Variants in PSD3 observed in about 807,000 individuals in gnomAD.
PSD3 encodes the protein pleckstrin and Sec7 domain containing 3, also known as PH and SEC7 domain-containing protein 3.
Under a neutral mutation model 105.5 loss-of-function variants are expected in PSD3, and 49 were observed. The observed-to-expected ratio is 0.46, with a 90% CI of 0.37 to 0.59. The LOEUF (loss-of-function observed/expected upper bound fraction) is 0.59. PSD3 is among the 20% of genes least tolerant of loss of function. The probability of loss-of-function intolerance (pLI) is 0.00; values close to 1 mark genes in which losing one functional copy is unlikely to be tolerated. For missense variants in PSD3, 1,561 were observed against 1,263.8 expected (o/e 1.24, Z -3.57); for synonymous variants, 557 against 457.8 (o/e 1.22, Z -2.77).
intron 15 of PSD3, among the ~76,000 whole-genome samples, chr8:18,537,508 T>C (rs1019927568): frequency 3.9e-5 from 6 of 152,190 alleles, no homozygotes; most frequent in African/African-American, 1.4e-4. Context: ...CAAAGACTGA[T>C]AAAACCAGAG....
At chr8:19,072,784 C>T (rs900083217) in intron 1 of PSD3, among the ~76,000 whole-genome samples, 4 of 152,182 alleles carry the variant, frequency 2.6e-5, no homozygotes, top group African/African-American at 9.6e-5. Flanking sequence ...CTGTGCTAGG[C>T]TCAATTCCAA....
chr8:18,987,291 TA>T lies in PSD3; in HGVS notation c.21+26271del, dbSNP rs773200456. On this transcript the variant is annotated intron_variant, in intron 1 of 15. Transcript: ENST00000327040. ...TTATTTTCTTTTTTATTTTTTTTTT[TA>T]TATATATTTTTTTAAGACGGAGTCT... 1.4e-3 allele frequency among the ~76,000 whole-genome samples: 202 copies of T among 147,100 alleles called. 1 individual carries two copies. The highest frequency in any genetic ancestry group is 0.013 in the South Asian group (62 of 4,618).
intron 9 of PSD3, chr8:18,733,500 T>C (rs568859633): frequency 3.3e-5 from 5 of 152,840 alleles, no homozygotes; most frequent in African/African-American, 7.2e-5. Context: ...TACTCATGCA[T>C]GACCTTTGCC....
At chr8:18,988,110 A>AT (rs1563489097) in intron 1 of PSD3, among the ~76,000 whole-genome samples, 5 of 121,820 alleles carry the variant, frequency 4.1e-5, no homozygotes, top group African/African-American at 1.3e-4. Flanking sequence ...TAAATAAATA[A>AT]ATACATATAT....
rs1357547908 is a variant in PSD3, at chr8:18,655,680, C to T, written c.2178G>A (p.Leu726=). 1 of 1,613,590 alleles carries T rather than the reference C, an allele frequency of 6.2e-7. No individual in the cohort carries two copies. Among genetic ancestry groups the T allele is most frequent in the African/African-American group, 1.3e-5 (1 of 75,034 alleles). The change falls in exon 10 of 16, where the codon CTG becomes CTA. Residue 726 remains leucine, a synonymous_variant. Coordinates refer to ENST00000327040, the MANE Select transcript of PSD3 (RefSeq NM_015310.4). ...GCTTCTCATTCTTGATTGAGTTGTA[C>T]AGAGCCTGTAAAGAGAGAAAATGAG... The part of the protein sequence containing the change: ...VDFSKDLLKA[L]YNSIKNEKLE...
intron 4 of PSD3, among the ~76,000 whole-genome samples, chr8:18,820,959 A>G (rs991977908): frequency 1.3e-5 from 2 of 152,158 alleles, no homozygotes; most frequent in African/African-American, 2.4e-5. Flanking sequence ...GATGTTGCCC[A>G]AGCTAGTCTC....
At chr8:18,968,377 T>C (rs1586548093) in intron 1 of PSD3, among the ~76,000 whole-genome samples, 1 of 152,222 alleles carries the variant, frequency 6.6e-6, no homozygotes, top group Non-Finnish European at 1.5e-5. Flanking sequence ...TCTAAATCAA[T>C]TGTCCTCGTT....
At chr8:19,005,581 C>A (rs1020637483) in intron 1 of PSD3, among the ~76,000 whole-genome samples, 2 of 151,924 alleles carry the variant, frequency 1.3e-5, no homozygotes, top group Non-Finnish European at 2.9e-5. Context: ...ACCTCCTGGG[C>A]TCAAGCAATC....
chr8:18,591,243 G>T (rs1175179743), intron 12 of PSD3, among the ~76,000 whole-genome samples: 1 of 152,130 alleles, frequency 6.6e-6, no homozygotes, highest in Non-Finnish European at 1.5e-5. Flanking sequence ...GAATGCCCTG[G>T]CCCCTGACAT....
At position 18,868,658 on chromosome 8, in the gene PSD3, G is replaced by A. The variant is rs578191989; in HGVS notation, c.1239-589C>T. Among the ~76,000 whole-genome samples, 3 of 152,276 alleles carry A rather than the reference G, an allele frequency of 2.0e-5. No individual in the cohort carries two copies. In the South Asian group the frequency reaches 6.2e-4, roughly 32 times the overall value. ...CTAACAAAAAGGCAACAGAAGCAAG[G>A]CTAACCAAAGCTTTGAGAGATTAGA... On this transcript the variant is annotated intron_variant, in intron 3 of 15. Transcript: ENST00000327040.
chr8:18,617,405 CCTATAATCCCAG>C (rs879659500), intron 11 of PSD3, among the ~76,000 whole-genome samples: 2 of 151,944 alleles, frequency 1.3e-5, no homozygotes, highest in Admixed American at 6.6e-5. Flanking sequence ...ATGGTGGGTG[CCTATAATCCCAG>C]CTACTCGGGA....
intron 9 of PSD3, among the ~76,000 whole-genome samples, chr8:18,674,256 G>A (rs1016358937): frequency 3.3e-5 from 5 of 152,182 alleles, no homozygotes; most frequent in East Asian, 1.9e-4. Context: ...GTCCTCGTTC[G>A]ACTCACTGCC....
intron 1 of PSD3, among the ~76,000 whole-genome samples, chr8:19,055,322 C>T (rs866546940): frequency 6.6e-6 from 1 of 152,208 alleles, no homozygotes; most frequent in Admixed American, 6.5e-5. Context: ...GGCAGAGTCT[C>T]GGCTCACTGC....
chr8:18,937,556 C>T (rs935462817), intron 1 of PSD3, among the ~76,000 whole-genome samples: 1 of 152,132 alleles, frequency 6.6e-6, no homozygotes, highest in Non-Finnish European at 1.5e-5. Context: ...TTCTTTAATA[C>T]CAAGAGCTAG....
intron 2 of PSD3, chr8:18,924,401 G>A (rs1821232017): frequency 6.6e-6 from 1 of 152,192 alleles, no homozygotes; most frequent in Non-Finnish European, 1.5e-5. Context: ...AGGCTGGAGA[G>A]TGGAAAGAAA....
chr8:18,768,073 C>G (rs1209882812), intron 8 of PSD3, among the ~76,000 whole-genome samples: 1 of 143,070 alleles, frequency 7.0e-6, no homozygotes, highest in African/African-American at 2.6e-5. Context: ...GAGATTGAGA[C>G]CAGCCTGGCC....
At chr8:19,070,664 T>C (rs1829224426) in intron 1 of PSD3, among the ~76,000 whole-genome samples, 1 of 152,226 alleles carries the variant, frequency 6.6e-6, no homozygotes, top group Admixed American at 6.5e-5. Flanking sequence ...GGAGAGAAAG[T>C]GAGACTCTGT....
chr8:18,905,009 A>T (rs334747), intron 2 of PSD3, among the ~76,000 whole-genome samples: 46,794 of 152,064 alleles, frequency 0.31, 7,765 homozygotes, highest in South Asian at 0.45. Context: ...TTTTTCTTTT[A>T]AAATATAGCA....
intron 11 of PSD3, among the ~76,000 whole-genome samples, chr8:18,613,443 T>G (rs1805422865): frequency 6.6e-6 from 1 of 152,214 alleles, no homozygotes; most frequent in Admixed American, 6.5e-5. Context: ...ACTTTGCTGA[T>G]GCGTATTTCC....
Sources: allele counts gnomAD v4.1 joint callset (sites outside exome capture counted in the v4.1 genomes callset), GRCh38; gene constraint gnomAD v4.1.1; transcripts MANE v1.5; gene names NCBI Gene and HGNC (gene_info 2026-07-23, HGNC 2026-07-21).